The following PRKG2 variants were observed in gnomAD, a reference collection of about 807,000 sequenced individuals.
PRKG2 encodes the protein cGMP-dependent protein kinase 2.
Under a neutral mutation model 97.2 loss-of-function variants are expected in PRKG2, and 33 were observed. The observed-to-expected ratio is 0.34, with a 90% confidence interval of 0.26 to 0.45. PRKG2 has a LOEUF of 0.45. PRKG2 is among the 20% of genes least tolerant of loss of function. The probability of loss-of-function intolerance (pLI) is 1.00; values close to 1 mark genes in which losing one functional copy is unlikely to be tolerated. For synonymous variants in PRKG2, 330 were observed against 321.8 expected (o/e 1.03, Z -0.27); for missense variants, 638 against 900.0 (o/e 0.71, Z 3.73).
chr4:81,110,763 AGAGACAGACAGACG>A, intron 14 of PRKG2, 152 bp from the exon 15 acceptor site: 1 of 588,118 alleles, frequency 1.7e-6, no homozygotes, highest in Non-Finnish European at 2.6e-6. Context: ...AGAGAGAGAG[AGAGACAGACAGACG>A]GACAGACAGA....
At chr4:81,136,455 T>C (rs1746710427) in intron 13 of PRKG2, among the ~76,000 whole-genome samples, 2 of 152,196 alleles carry the variant, frequency 1.3e-5, no homozygotes, top group Non-Finnish European at 2.9e-5. Context: ...ACTGTAAATA[T>C]GTGGCCTTGC....
In PRKG2 at chr4:81,148,640, G is replaced by A. The variant is rs182803674; in HGVS notation, c.1154+244C>T. On this transcript the variant is annotated intron_variant, in intron 9 of 18. Transcript: ENST00000264399. ...GCAGAATTTAAATCAGCCTATTGCT[G>A]ATATTTATGTATAAACTCTGTACAC... Among the ~76,000 whole-genome samples, 376 of 152,258 alleles carry A rather than the reference G, an allele frequency of 2.5e-3. 2 individuals carry two copies. Among genetic ancestry groups the A allele is most frequent in the African/African-American group, 8.5e-3 (352 of 41,566 alleles).
chr4:81,167,294 C>A, intron 5 of PRKG2, 70 bp from the exon 6 acceptor site: 1 of 981,328 alleles, frequency 1.0e-6, no homozygotes, highest in South Asian at 1.8e-5. Context: ...TATGCAGATT[C>A]TAAAATCTTT....
chr4:81,216,007 C>G (rs913226577), upstream of PRKG2, among the ~76,000 whole-genome samples: 2 of 151,968 alleles, frequency 1.3e-5, no homozygotes, highest in African/African-American at 4.8e-5. Context: ...CCTTCTGCCC[C>G]CAGAGGAATT....
At chr4:81,175,173 T>A (rs1750815790) in intron 2 of PRKG2, among the ~76,000 whole-genome samples, 1 of 152,142 alleles carries the variant, frequency 6.6e-6, no homozygotes. Flanking sequence ...ATTATTCTGA[T>A]AGTCATCATG....
intron 9 of PRKG2, 121 bp from the exon 10 acceptor site, chr4:81,144,451 A>G: frequency 2.8e-6 from 2 of 715,356 alleles, no homozygotes; most frequent in Non-Finnish European, 4.5e-6. Context: ...TTTTTTAAAT[A>G]ATTTATGAAA....
At chr4:81,189,066 T>TAAAATAAAAAAAAAAAAAAAAAAAAA (rs1752192390) in intron 2 of PRKG2, among the ~76,000 whole-genome samples, 1 of 17,062 alleles carries the variant, frequency 5.9e-5, no homozygotes, top group Non-Finnish European at 7.7e-5. Context: ...AAAAAAATAA[T>TAAAATAAAAAAAAAAAAAAAAAAAAA]AAAAAAAAAA....
At chr4:81,134,295 A>T (rs1353661444) in intron 14 of PRKG2, among the ~76,000 whole-genome samples, 1 of 152,220 alleles carries the variant, frequency 6.6e-6, no homozygotes, top group Non-Finnish European at 1.5e-5. Flanking sequence ...AAGGTTTAGC[A>T]TAGTAGCTTT....
chr4:81,175,269 T>G (rs1750825059), intron 2 of PRKG2, among the ~76,000 whole-genome samples: 3 of 152,126 alleles, frequency 2.0e-5, no homozygotes, highest in Admixed American at 6.5e-5. Context: ...GGACACATGA[T>G]TTTTTAGATG....
At chr4:81,125,546 G>C (rs1342354292) in intron 14 of PRKG2, among the ~76,000 whole-genome samples, 1 of 152,144 alleles carries the variant, frequency 6.6e-6, no homozygotes, top group Non-Finnish European at 1.5e-5. Flanking sequence ...TTTCGAATTT[G>C]GGGGCTATTA....
In PRKG2 at chr4:81,111,262, G is replaced by A. The variant is rs560682682; in HGVS notation, c.1777-651C>T. 3.0e-4 allele frequency among the ~76,000 whole-genome samples: 46 copies of A among 152,138 alleles called. 1 individual carries two copies. The highest frequency in any genetic ancestry group is 2.7e-3 in the Admixed American group (41 of 15,276). The stretch of plus-strand genomic sequence containing the variant: ...TTGTCTCTCAGGAAGGTGAGTGGTG[G>A]GCAGTATCTACGTTAACTTACTTAT... On this transcript the variant is annotated intron_variant, in intron 14 of 18. Coordinates refer to ENST00000264399, the MANE Select transcript of PRKG2 (RefSeq NM_006259.3).
chr4:81,141,976 C>G (rs765673512), intron 11 of PRKG2, among the ~76,000 whole-genome samples: 3 of 152,192 alleles, frequency 2.0e-5, no homozygotes, highest in Admixed American at 6.5e-5. Context: ...AGCAGACCAA[C>G]AGGTCAGCAG....
chr4:81,092,364 A>G (rs760942709), intron 18 of PRKG2, 22 bp downstream of exon 18: 2 of 1,470,676 alleles, frequency 1.4e-6, no homozygotes, highest in Non-Finnish European at 1.8e-6. Flanking sequence ...AAAATAAAAA[A>G]GTAATATAAT....
At position 81,126,841 on chromosome 4, in the gene PRKG2, G is replaced by A. The variant is rs1454335618; in HGVS notation, c.1776+8314C>T. 4.6e-5 allele frequency among the ~76,000 whole-genome samples: 7 copies of A among 152,110 alleles called. No homozygotes were observed. The East Asian group carries it at 5.8e-4, about 13-fold the overall frequency. ...AGGTTGCCTGTTCACTCTGATGACAGTTTGTTTTGCTGTGCAGAAGCTCCT... is the reference window on the plus strand; with the variant it reads ...AGGTTGCCTGTTCACTCTGATGACAATTTGTTTTGCTGTGCAGAAGCTCCT... On this transcript the variant is annotated intron_variant, in intron 14 of 18. Coordinates refer to ENST00000264399, the MANE Select transcript of PRKG2 (RefSeq NM_006259.3).
chr4:81,092,334 A>G, intron 18 of PRKG2, 52 bp downstream of exon 18: 1 of 1,307,762 alleles, frequency 7.6e-7, no homozygotes, highest in Non-Finnish European at 1.1e-6. Flanking sequence ...ATCTGTGTAC[A>G]AAAACAAATC....
At chr4:81,211,183 C>A (rs1041798809) in intron 1 of PRKG2, among the ~76,000 whole-genome samples, 1 of 152,084 alleles carries the variant, frequency 6.6e-6, no homozygotes, top group Non-Finnish European at 1.5e-5. Flanking sequence ...CCAATGTAAA[C>A]TATGGACTTT....
chr4:81,098,082 G>A (rs1384455074), intron 17 of PRKG2, among the ~76,000 whole-genome samples: 4 of 152,124 alleles, frequency 2.6e-5, no homozygotes, highest in Non-Finnish European at 5.9e-5. Flanking sequence ...GGCTGGGAAA[G>A]GCAGACCCAC....
At chr4:81,129,339 G>C (rs1745925175) in intron 14 of PRKG2, among the ~76,000 whole-genome samples, 1 of 152,120 alleles carries the variant, frequency 6.6e-6, no homozygotes, top group Non-Finnish European at 1.5e-5. Flanking sequence ...TTGGTCCAGA[G>C]CTGACAGCAA....
rs142831510 is a variant in PRKG2 at position 81,112,041 on chromosome 4, A to G, written c.1777-1430T>C. On this transcript the variant is annotated intron_variant, in intron 14 of 18. Coordinates refer to ENST00000264399, the MANE Select transcript of PRKG2 (RefSeq NM_006259.3). Reference sequence around the variant, plus strand: ...AAAAAAGTATGAGTCATTGAACTATAAAATCCAGCCCCTATTTATTTATTC... The same window carrying G: ...AAAAAAGTATGAGTCATTGAACTATGAAATCCAGCCCCTATTTATTTATTC... Among the ~76,000 whole-genome samples the G allele has an allele frequency of 7.4e-3, 1,126 of 152,338 alleles. 6 individuals carry two copies. The highest frequency in any genetic ancestry group is 8.8e-3 in the Non-Finnish European group (597 of 68,038).
Sources: allele counts gnomAD v4.1 joint callset (sites outside exome capture counted in the v4.1 genomes callset), GRCh38; gene constraint gnomAD v4.1.1; transcripts MANE v1.5; gene names NCBI Gene and HGNC (gene_info 2026-07-23, HGNC 2026-07-21).